MTFR1: variants seen among roughly 807,000 people sequenced by gnomAD.
MTFR1 encodes mitochondrial fission regulator 1, also known as chondrocyte protein with a poly-proline region.
A neutral mutation model predicts 38.8 loss-of-function variants in MTFR1; 28 were observed. The ratio of observed to expected loss-of-function variants is 0.72; its 90% CI spans 0.53 to 0.99. The LOEUF (loss-of-function observed/expected upper bound fraction) is 0.99. MTFR1 is among the 50% of genes least tolerant of loss of function. MTFR1 has a pLI of 0.00. For missense variants in MTFR1, 358 were observed against 395.5 expected, an observed-to-expected ratio of 0.91 and a Z score of 0.81; for synonymous variants, 145 against 137.0, an observed-to-expected ratio of 1.06 and a Z score of -0.41.
chr8:65,724,835 T>C (rs1313696360), intron 3 of MTFR1: 7 of 1,612,456 alleles, frequency 4.3e-6, no homozygotes, highest in African/African-American at 1.3e-5. Flanking sequence ...TCTATCCAAA[T>C]GGGACCTAAA....
intron 3 of MTFR1, among the ~76,000 whole-genome samples, chr8:65,740,381 A>G (rs1241605041): frequency 6.6e-6 from 1 of 152,042 alleles, no homozygotes; most frequent in Non-Finnish European, 1.5e-5. Context: ...TGTCACAGAA[A>G]TAATACAAGC....
At chr8:65,712,344 C>T (rs756472840), downstream of MTFR1, among the ~76,000 whole-genome samples, 8 of 152,276 alleles carry the variant, frequency 5.3e-5, no homozygotes, top group South Asian at 1.2e-3. Flanking sequence ...GCAAGGGGCA[C>T]GCCTGGTAAT....
intron 3 of MTFR1, among the ~76,000 whole-genome samples, chr8:65,747,008 A>C (rs1413837811): frequency 6.6e-6 from 1 of 152,258 alleles, no homozygotes; most frequent in African/African-American, 2.4e-5. Context: ...AAACAAGCTC[A>C]TTTAACCCTG....
chr8:65,685,541 A>G (rs973890218), intron 3 of MTFR1, among the ~76,000 whole-genome samples: 1 of 152,210 alleles, frequency 6.6e-6, no homozygotes, highest in Non-Finnish European at 1.5e-5. Context: ...TTAGTAACCA[A>G]AAAAGTAATG....
chr8:65,731,754 A>G (rs1806898662), intron 3 of MTFR1: 1 of 152,160 alleles, frequency 6.6e-6, no homozygotes, highest in Non-Finnish European at 1.5e-5. Flanking sequence ...CATAGACAAG[A>G]GTCCAAGAAT....
rs116949861 is a variant in MTFR1 at position 65,691,725 on chromosome 8, C to T, written c.166-1919C>T. Among the ~76,000 whole-genome samples, 348 of 152,272 alleles carry T rather than the reference C, an allele frequency of 2.3e-3. 6 individuals carry two copies. The East Asian group carries it at 0.054, about 24-fold the overall frequency. On this transcript the variant is annotated intron_variant, in intron 3 of 7. Coordinates refer to ENST00000262146, the MANE Select transcript of MTFR1 (RefSeq NM_014637.4). Reference sequence around the variant, plus strand: ...ATTGCAGTAGCGCAATCTCAGCTCACTGCAACCTCTACCTCCCATGTTGAA... The same window carrying T: ...ATTGCAGTAGCGCAATCTCAGCTCATTGCAACCTCTACCTCCCATGTTGAA...
At chr8:65,716,280 G>A (rs1463550289) in intron 2 of MTFR1, among the ~76,000 whole-genome samples, 1 of 152,140 alleles carries the variant, frequency 6.6e-6, no homozygotes, top group Non-Finnish European at 1.5e-5. Context: ...TGAGAATGTG[G>A]AAATAGGATG....
rs1047500483 is a variant in MTFR1 at position 65,659,070 on chromosome 8, T to C, written c.-80-10803T>C. Among the ~76,000 whole-genome samples the C allele has an allele frequency of 5.3e-5, 8 of 152,078 alleles. No individual in the cohort carries two copies. The East Asian group carries it at 9.6e-4, about 18-fold the overall frequency. On this transcript the variant is annotated intron_variant, in intron 1 of 7. Transcript: ENST00000262146. ...ATAAGATACAGAGTTGGGGGATGTT[T>C]ATAGACAAACAAGTACCAGAGAGCA... is the stretch of plus-strand genomic sequence containing the variant.
intron 3 of MTFR1, among the ~76,000 whole-genome samples, chr8:65,729,963 T>C (rs1427000320): frequency 1.3e-5 from 2 of 151,756 alleles, no homozygotes; most frequent in African/African-American, 2.4e-5. Flanking sequence ...GACAAGGCGG[T>C]CCTCGCAGGG....
chr8:65,682,328 C>CT, intron 2 of MTFR1, 25 bp from the exon 3 acceptor site: 1 of 1,287,052 alleles, frequency 7.8e-7, no homozygotes, highest in Non-Finnish European at 1.1e-6. Context: ...TGTAATTAAG[C>CT]TTTCGGTTTT....
downstream of MTFR1, among the ~76,000 whole-genome samples, chr8:65,772,788 G>A (rs528088266): frequency 6.6e-6 from 1 of 152,156 alleles, no homozygotes; most frequent in East Asian, 1.9e-4. Flanking sequence ...CAGATCACTT[G>A]AGGTCAGGAG....
chr8:65,711,416 G>GAAGT (rs1157044967), downstream of MTFR1, among the ~76,000 whole-genome samples: 1 of 152,186 alleles, frequency 6.6e-6, no homozygotes, highest in Admixed American at 6.5e-5. Context: ...GAAATAAATA[G>GAAGT]AAGTTCTCTC....
intron 1 of MTFR1, among the ~76,000 whole-genome samples, chr8:65,654,715 C>T (rs945564792): frequency 3.7e-4 from 57 of 152,078 alleles, no homozygotes; most frequent in African/African-American, 1.2e-3. Flanking sequence ...GTAGCTAGGA[C>T]TACAGGTGCA....
intron 2 of MTFR1, among the ~76,000 whole-genome samples, chr8:65,677,068 CTTTTTTTTTT>C (rs1166560010): frequency 2.2e-4 from 22 of 100,108 alleles, no homozygotes; most frequent in Admixed American, 1.9e-3. Flanking sequence ...CTATTTCTCT[CTTTTTTTTTT>C]TTTTTTTTTT....
intron 2 of MTFR1, among the ~76,000 whole-genome samples, chr8:65,678,501 A>C (rs755826464): frequency 4.6e-5 from 7 of 152,204 alleles, no homozygotes; most frequent in Non-Finnish European, 7.4e-5. Flanking sequence ...ACATTATGTT[A>C]GTCTACTGTG....
At chr8:65,692,127 A>AT (rs1805298669) in intron 3 of MTFR1, among the ~76,000 whole-genome samples, 1 of 151,758 alleles carries the variant, frequency 6.6e-6, no homozygotes, top group South Asian at 2.1e-4. Flanking sequence ...TGGCCTTTTC[A>AT]TTTTTTCCTT....
chr8:65,660,334 T>C, intron 1 of MTFR1, among the ~76,000 whole-genome samples: 1 of 143,826 alleles, frequency 7.0e-6, no homozygotes, highest in East Asian at 2.0e-4. Context: ...CCATCTGTGG[T>C]GGTTAATTTT....
intron 3 of MTFR1, among the ~76,000 whole-genome samples, chr8:65,735,081 A>T (rs929544760): frequency 1.3e-5 from 2 of 152,032 alleles, no homozygotes; most frequent in African/African-American, 2.4e-5. Context: ...TATCAATTTG[A>T]CTCTCTATGC....
chr8:65,766,710 T>A (rs1264366730), intron 3 of MTFR1, among the ~76,000 whole-genome samples: 2 of 152,224 alleles, frequency 1.3e-5, no homozygotes, highest in African/African-American at 4.8e-5. Context: ...GGCTACCCAT[T>A]GCTCATTGTT....
Sources: gnomAD v4.1 joint callset for allele counts (sites outside exome capture counted in the v4.1 genomes callset) on GRCh38, gnomAD v4.1.1 for gene constraint, MANE v1.5 for transcripts, NCBI Gene and HGNC (gene_info 2026-07-23, HGNC 2026-07-21) for gene names.